DGKB: variants seen among roughly 807,000 people sequenced by gnomAD.
DGKB encodes the protein diacylglycerol kinase beta.
A neutral mutation model predicts 114.3 loss-of-function variants in DGKB; 67 were observed. The ratio of observed to expected loss-of-function variants is 0.59; its 90% CI spans 0.48 to 0.72. The LOEUF (loss-of-function observed/expected upper bound fraction) is 0.72, where lower values mean the gene tolerates loss of function less well. DGKB is among the 30% of genes least tolerant of loss of function. The pLI, the probability that DGKB is intolerant of heterozygous loss-of-function variation, is 0.00. For missense variants in DGKB, 907 were observed against 975.2 expected, an observed-to-expected ratio of 0.93 and a Z score of 0.93; for synonymous variants, 398 against 323.1, an observed-to-expected ratio of 1.23 and a Z score of -2.49.
At chr7:14,404,962 T>A (rs893648319) in intron 21 of DGKB, among the ~76,000 whole-genome samples, 5 of 151,858 alleles carry the variant, frequency 3.3e-5, no homozygotes, top group African/African-American at 1.2e-4. Flanking sequence ...CTCTGGGTAA[T>A]CTCATATAGT....
At chr7:14,967,575 C>T (rs1042398655) in intron 1 of DGKB, among the ~76,000 whole-genome samples, 4 of 150,836 alleles carry the variant, frequency 2.7e-5, no homozygotes, top group Non-Finnish European at 5.9e-5. Context: ...TTCACCTCGG[C>T]CTCCCACAGT....
At chr7:14,935,797 C>T (rs185671468) in intron 1 of DGKB, among the ~76,000 whole-genome samples, 2 of 152,098 alleles carry the variant, frequency 1.3e-5, no homozygotes, top group Non-Finnish European at 2.9e-5. Flanking sequence ...CTCCCAAAAA[C>T]CTCATGGAAC....
rs1847906180 is a variant in DGKB at position 14,841,350 on chromosome 7, A to G, written c.-87T>C. On this transcript the variant is annotated 5_prime_UTR_variant, in exon 2 of 26. The change abolishes an upstream ATG in the 5' untranslated region. Transcript: ENST00000402815. ...GAGGTCTATGCTTCAAAGATTCCAC[A>G]TGGCATGTTTCATGATAAAATACCT... 2 of 1,143,504 alleles carry G rather than the reference A, an allele frequency of 1.7e-6. No homozygotes were observed. Among genetic ancestry groups the G allele is most frequent in the Middle Eastern group, 2.0e-4 (1 of 5,010 alleles). The allele number at this position is 1,143,504 out of a possible 1,614,324, so 70.8% of individuals were successfully genotyped here. A position where few individuals can be genotyped will look rare whatever the true frequency, so the allele number is the denominator to read the frequency against.
chr7:14,673,308 T>C (rs1175795260), intron 12 of DGKB, among the ~76,000 whole-genome samples: 1 of 151,986 alleles, frequency 6.6e-6, no homozygotes, highest in Non-Finnish European at 1.5e-5. Context: ...CAAAGAACCC[T>C]GATTTCTTTG....
intron 6 of DGKB, among the ~76,000 whole-genome samples, chr7:14,702,700 C>G (rs187738727): frequency 1.3e-5 from 2 of 152,178 alleles, no homozygotes; most frequent in Non-Finnish European, 2.9e-5. Flanking sequence ...ATCTTGATGT[C>G]TGAAGTCTAT....
chr7:14,336,226 G>T (rs1371225123), intron 23 of DGKB, among the ~76,000 whole-genome samples: 1 of 151,882 alleles, frequency 6.6e-6, no homozygotes, highest in Admixed American at 6.6e-5. Context: ...AGATACTTTT[G>T]GTATTCTGTT....
intron 23 of DGKB, among the ~76,000 whole-genome samples, chr7:14,298,861 C>G (rs979906015): frequency 3.3e-5 from 5 of 152,116 alleles, no homozygotes; most frequent in Non-Finnish European, 7.4e-5. Flanking sequence ...AAACAGACAA[C>G]TCCATCAAAA....
In DGKB at chr7:14,728,497, T is replaced by G. The variant is rs578257147; in HGVS notation, c.322+7544A>C. On this transcript the variant is annotated intron_variant, in intron 5 of 25. Transcript: ENST00000402815. ...CTAACAAGTCTATCTTCCTCCAGTC[T>G]CCTAAGGTCCTTGGGGCTTTGACCT... Among the ~76,000 whole-genome samples the G allele has an allele frequency of 3.7e-4, 57 of 152,198 alleles. 2 individuals carry two copies. In the South Asian group the frequency reaches 5.0e-3, roughly 13 times the overall value.
At chr7:14,538,124 A>G (rs1371390366) in intron 20 of DGKB, among the ~76,000 whole-genome samples, 1 of 150,084 alleles carries the variant, frequency 6.7e-6, no homozygotes, top group East Asian at 1.9e-4. Context: ...GGACTACATC[A>G]AACCAAAAAG....
intron 22 of DGKB, among the ~76,000 whole-genome samples, chr7:14,342,667 C>G (rs1315968800): frequency 6.6e-6 from 1 of 151,770 alleles, no homozygotes; most frequent in Non-Finnish European, 1.5e-5. Context: ...AAATGTTTAT[C>G]TCTGCAATGG....
intron 25 of DGKB, among the ~76,000 whole-genome samples, chr7:14,164,765 A>T (rs1053623592): frequency 6.6e-6 from 1 of 152,140 alleles, no homozygotes. Context: ...TTGGGGGGGT[A>T]TAATTGGGGA....
At chr7:14,872,511 T>G (rs1393894964) in intron 1 of DGKB, among the ~76,000 whole-genome samples, 3 of 152,188 alleles carry the variant, frequency 2.0e-5, no homozygotes, top group Non-Finnish European at 1.5e-5. Flanking sequence ...GCACTCTCTA[T>G]GCTTAACGTA....
At chr7:14,538,913 T>C (rs749149668) in intron 20 of DGKB, among the ~76,000 whole-genome samples, 1 of 152,118 alleles carries the variant, frequency 6.6e-6, no homozygotes, top group Non-Finnish European at 1.5e-5. Context: ...TCTTACATGA[T>C]GCATCTGAAA....
intron 23 of DGKB, among the ~76,000 whole-genome samples, chr7:14,331,365 A>C (rs2128557547): frequency 6.6e-6 from 1 of 152,106 alleles, no homozygotes; most frequent in South Asian, 2.1e-4. Context: ...TAATCACTGA[A>C]ATTAAATGCT....
chr7:14,265,971 G>A (rs1226827393), intron 23 of DGKB, among the ~76,000 whole-genome samples: 2 of 152,078 alleles, frequency 1.3e-5, no homozygotes, highest in Non-Finnish European at 2.9e-5. Context: ...GGCGAAAGAG[G>A]GTAGCCTATT....
chr7:14,503,541 T>C (rs1786538601), intron 20 of DGKB, among the ~76,000 whole-genome samples: 1 of 152,186 alleles, frequency 6.6e-6, no homozygotes, highest in Non-Finnish European at 1.5e-5. Flanking sequence ...GAGGCAATAA[T>C]AGATTCTTAT....
At chr7:14,415,547 T>G (rs1825583137) in intron 21 of DGKB, among the ~76,000 whole-genome samples, 1 of 152,020 alleles carries the variant, frequency 6.6e-6, no homozygotes, top group East Asian at 1.9e-4. Context: ...TGCGATAGTT[T>G]GCTGAGAATG....
chr7:14,213,416 T>C (rs1234867448), intron 23 of DGKB, among the ~76,000 whole-genome samples: 1 of 152,150 alleles, frequency 6.6e-6, no homozygotes, highest in Non-Finnish European at 1.5e-5. Context: ...AAATTCTCCA[T>C]GGATTTGTCA....
intron 1 of DGKB, among the ~76,000 whole-genome samples, chr7:14,849,790 A>C (rs1194119966): frequency 6.6e-6 from 1 of 152,132 alleles, no homozygotes; most frequent in Non-Finnish European, 1.5e-5. Context: ...GACACAGACC[A>C]CCACTGATCA....
Sources: allele counts gnomAD v4.1 joint callset (sites outside exome capture counted in the v4.1 genomes callset), GRCh38; gene constraint gnomAD v4.1.1; transcripts MANE v1.5; gene names NCBI Gene and HGNC (gene_info 2026-07-23, HGNC 2026-07-21).